NEK1: variants seen among roughly 807,000 people sequenced by gnomAD.
NEK1 encodes the protein serine/threonine-protein kinase Nek1.
NEK1 carries 137 observed loss-of-function variants against 182.1 expected under a neutral mutation model. The ratio of observed to expected loss-of-function variants is 0.75; its 90% CI spans 0.65 to 0.87. NEK1 has a LOEUF of 0.87. Ranked by LOEUF, NEK1 falls within the 40% of genes least tolerant of loss-of-function variation. The pLI, the probability that NEK1 is intolerant of heterozygous loss-of-function variation, is 0.00. For synonymous variants in NEK1, 513 were observed against 492.2 expected (o/e 1.04, Z -0.56); for missense variants, 1,391 against 1,494.4 (o/e 0.93, Z 1.14).
At position 169,433,637 on chromosome 4, in the gene NEK1, T is replaced by C; in HGVS notation, c.2793A>G (p.Leu931=). ...CTTTGTTTGTTCCACTTGGCTCTTG[T>C]AGAATTTCTGTTTCCAAATCATCAG... ...EEPDDLETEI[L]QEPSGTNKDE... The change falls in exon 29 of 36, where the codon CTA becomes CTG. Residue 931 remains leucine (L), a synonymous_variant. Coordinates refer to ENST00000507142, the MANE Select transcript of NEK1 (RefSeq NM_001199397.3). 3 of 1,613,468 alleles carry C rather than the reference T, an allele frequency of 1.9e-6. No individual in the cohort carries two copies. The highest frequency in any genetic ancestry group is 2.5e-6 in the Non-Finnish European group (3 of 1,179,570).
intron 31 of NEK1, among the ~76,000 whole-genome samples, chr4:169,419,818 G>C (rs138946939): frequency 1.7e-3 from 256 of 152,248 alleles, no homozygotes; most frequent in African/African-American, 4.6e-3. Context: ...CAATATTATA[G>C]AAGATTGTAA....
At chr4:169,427,340 A>G (rs1736575077) in intron 29 of NEK1, among the ~76,000 whole-genome samples, 1 of 151,964 alleles carries the variant, frequency 6.6e-6, no homozygotes, top group African/African-American at 2.4e-5. Flanking sequence ...GTTAGCCAGG[A>G]TGGTCTCGAT....
chr4:169,544,703 T>C (rs959092334), intron 18 of NEK1, among the ~76,000 whole-genome samples: 1 of 151,020 alleles, frequency 6.6e-6, no homozygotes, highest in African/African-American at 2.4e-5. Context: ...CTTCCTGGTT[T>C]AGTCTTGGGA....
At chr4:169,451,819 C>T (rs1353433808) in intron 27 of NEK1, among the ~76,000 whole-genome samples, 1 of 151,936 alleles carries the variant, frequency 6.6e-6, no homozygotes, top group African/African-American at 2.4e-5. Context: ...ACACAAAAAC[C>T]CTTCAAAAAA....
rs187364913 is a variant in NEK1 at position 169,575,654 on chromosome 4, C to T, written c.1020+1274G>A. Among the ~76,000 whole-genome samples the T allele has an allele frequency of 3.7e-3, 570 of 152,304 alleles. 6 individuals are homozygous for T. The highest frequency in any genetic ancestry group is 0.012 in the African/African-American group (511 of 41,572). On this transcript the variant is annotated intron_variant, in intron 12 of 35. Coordinates refer to ENST00000507142, the MANE Select transcript of NEK1 (RefSeq NM_001199397.3). ...AGTTCAACGGCTCCTCAAGTGGCTT[C>T]CCAGTACATTCTACTGACACTCCAG...
chr4:169,539,413 G>A (rs544110967), intron 18 of NEK1, among the ~76,000 whole-genome samples: 12 of 152,272 alleles, frequency 7.9e-5, no homozygotes, highest in Non-Finnish European at 1.2e-4. Context: ...CAAATGTGAT[G>A]CTCTGACATG....
chr4:169,518,623 G>C (rs2149737199), intron 19 of NEK1, among the ~76,000 whole-genome samples: 1 of 103,194 alleles, frequency 9.7e-6, no homozygotes, highest in South Asian at 3.3e-4. Flanking sequence ...GATCTTTCCT[G>C]CTTTCTCTTG....
At chr4:169,506,354 T>C (rs956352732) in intron 23 of NEK1, among the ~76,000 whole-genome samples, 2 of 152,214 alleles carry the variant, frequency 1.3e-5, no homozygotes, top group African/African-American at 4.8e-5. Context: ...AAGAATTTAA[T>C]AAATCTTACA....
chr4:169,455,327 C>CAA (rs536817817), intron 27 of NEK1, among the ~76,000 whole-genome samples: 6 of 135,382 alleles, frequency 4.4e-5, no homozygotes, highest in South Asian at 2.3e-4. Flanking sequence ...GAAGCATAAT[C>CAA]AAAAAAAAAA....
chr4:169,505,106 C>T (rs1753026998), intron 23 of NEK1, among the ~76,000 whole-genome samples: 1 of 151,974 alleles, frequency 6.6e-6, no homozygotes, highest in African/African-American at 2.4e-5. Context: ...CAACATTGGG[C>T]AGATCCAGGT....
At chr4:169,570,534 T>C (rs1428757600) in intron 12 of NEK1, among the ~76,000 whole-genome samples, 1 of 131,476 alleles carries the variant, frequency 7.6e-6, no homozygotes, top group South Asian at 2.6e-4. Context: ...CCGGCCAGCA[T>C]ACCCGTCCGG....
At chr4:169,572,347 AAG>A (rs1417330096) in intron 12 of NEK1, among the ~76,000 whole-genome samples, 1 of 152,226 alleles carries the variant, frequency 6.6e-6, no homozygotes, top group Non-Finnish European at 1.5e-5. Context: ...TCCAATATGG[AAG>A]ATGAGAACAA....
chr4:169,589,973 CAACAAT>C (rs1473100843), intron 6 of NEK1, among the ~76,000 whole-genome samples: 3 of 151,914 alleles, frequency 2.0e-5, no homozygotes, highest in African/African-American at 7.3e-5. Flanking sequence ...TTGCATAACT[CAACAAT>C]AACAACAAAA....
intron 11 of NEK1, among the ~76,000 whole-genome samples, chr4:169,579,491 G>C (rs1038906137): frequency 2.0e-5 from 3 of 152,112 alleles, no homozygotes; most frequent in Admixed American, 2.0e-4. Flanking sequence ...GGATGTGTAA[G>C]GGTCTTTAAG....
intron 27 of NEK1, among the ~76,000 whole-genome samples, chr4:169,447,411 A>G (rs1168807600): frequency 6.6e-6 from 1 of 152,224 alleles, no homozygotes; most frequent in African/African-American, 2.4e-5. Flanking sequence ...AAATGCTAAA[A>G]GGAGTTCTTT....
intron 26 of NEK1, among the ~76,000 whole-genome samples, chr4:169,476,052 G>A (rs775913642): frequency 1.3e-5 from 2 of 152,140 alleles, no homozygotes; most frequent in Non-Finnish European, 2.9e-5. Flanking sequence ...TGTTCCAAAT[G>A]TGACAACCAT....
intron 12 of NEK1, among the ~76,000 whole-genome samples, chr4:169,569,917 G>A (rs1764408802): frequency 6.6e-6 from 1 of 152,172 alleles, no homozygotes; most frequent in African/African-American, 2.4e-5. Flanking sequence ...CCGCCACCCC[G>A]TCTGGGAAGT....
chr4:169,413,348 G>A (rs1350957482), intron 31 of NEK1, among the ~76,000 whole-genome samples: 1 of 151,860 alleles, frequency 6.6e-6, no homozygotes, highest in Non-Finnish European at 1.5e-5. Flanking sequence ...ATTTTAAAAT[G>A]TTTTTGTAGA....
chr4:169,569,913 C>A (rs1414857222), intron 12 of NEK1, among the ~76,000 whole-genome samples: 1 of 152,170 alleles, frequency 6.6e-6, no homozygotes, highest in Non-Finnish European at 1.5e-5. Context: ...CCAGCCGCCA[C>A]CCCGTCTGGG....
Sources: allele counts gnomAD v4.1 joint callset (sites outside exome capture counted in the v4.1 genomes callset), GRCh38; gene constraint gnomAD v4.1.1; transcripts MANE v1.5; gene names NCBI Gene and HGNC (gene_info 2026-07-23, HGNC 2026-07-21).